PSD3: variants seen among roughly 807,000 people sequenced by gnomAD.
PSD3 encodes pleckstrin and Sec7 domain containing 3.
Under a neutral mutation model 105.5 loss-of-function variants are expected in PSD3, and 49 were observed. The ratio of observed to expected loss-of-function variants is 0.46; its 90% CI spans 0.37 to 0.59. The LOEUF (loss-of-function observed/expected upper bound fraction) is 0.59, where lower values mean the gene tolerates loss of function less well. PSD3 is among the 20% of genes least tolerant of loss of function. PSD3 has a pLI of 0.00. For missense variants in PSD3, 1,561 were observed against 1,263.8 expected, an observed-to-expected ratio of 1.24 and a Z score of -3.57; for synonymous variants, 557 against 457.8, an observed-to-expected ratio of 1.22 and a Z score of -2.77.
intron 1 of PSD3, among the ~76,000 whole-genome samples, chr8:19,032,236 A>T (rs529586705): frequency 6.8e-6 from 1 of 147,218 alleles, no homozygotes; most frequent in South Asian, 2.2e-4. Flanking sequence ...AAAGTTCAAC[A>T]GTTCATCCAC....
intron 1 of PSD3, among the ~76,000 whole-genome samples, chr8:18,950,369 T>C (rs935986924): frequency 3.3e-5 from 5 of 152,196 alleles, no homozygotes; most frequent in African/African-American, 4.8e-5. Flanking sequence ...GTAGCAACAT[T>C]TGAAATTTAC....
At chr8:18,756,479 G>C (rs1806051094) in intron 9 of PSD3, among the ~76,000 whole-genome samples, 1 of 152,016 alleles carries the variant, frequency 6.6e-6, no homozygotes, top group Non-Finnish European at 1.5e-5. Flanking sequence ...ACACTTCTTT[G>C]TCTAAACCAG....
chr8:18,913,031 TA>T (rs979111194), intron 2 of PSD3, among the ~76,000 whole-genome samples: 100 of 142,016 alleles, frequency 7.0e-4, no homozygotes, highest in African/African-American at 2.1e-3. Flanking sequence ...GTGTGATCAT[TA>T]AAAAAAAAAT....
chr8:18,646,842 A>G (rs538296587), intron 10 of PSD3, among the ~76,000 whole-genome samples: 177 of 152,320 alleles, frequency 1.2e-3, no homozygotes, highest in African/African-American at 4.0e-3. Context: ...CCAAATAATG[A>G]AAGTAAAAGA....
At chr8:18,789,268 G>C (rs1433838974) in intron 8 of PSD3, among the ~76,000 whole-genome samples, 1 of 152,066 alleles carries the variant, frequency 6.6e-6, no homozygotes, top group Non-Finnish European at 1.5e-5. Flanking sequence ...ATACAGTAGA[G>C]TTTTCTAGAA....
intron 11 of PSD3, among the ~76,000 whole-genome samples, chr8:18,614,966 G>A (rs1188851928): frequency 1.3e-5 from 2 of 152,048 alleles, no homozygotes; most frequent in Non-Finnish European, 2.9e-5. Flanking sequence ...CTGACTGAAG[G>A]AATATGCTGG....
intron 12 of PSD3, among the ~76,000 whole-genome samples, chr8:18,586,509 G>T (rs905284287): frequency 2.6e-5 from 4 of 152,120 alleles, no homozygotes; most frequent in African/African-American, 4.8e-5. Context: ...AACTAATAAT[G>T]AAATGAGACC....
At chr8:18,947,049 C>T (rs1822908480) in intron 1 of PSD3, among the ~76,000 whole-genome samples, 1 of 152,036 alleles carries the variant, frequency 6.6e-6, no homozygotes, top group Non-Finnish European at 1.5e-5. Flanking sequence ...GGATGGCTCA[C>T]GTATGCCCTA....
At chr8:18,916,341 T>C (rs867555521) in intron 2 of PSD3, among the ~76,000 whole-genome samples, 3,607 of 44,310 alleles carry the variant, frequency 0.081, 169 homozygotes, top group Non-Finnish European at 0.094. Context: ...TATATATATA[T>C]ATATATATAC....
At chr8:18,715,636 A>G (rs997368534) in intron 9 of PSD3, among the ~76,000 whole-genome samples, 3 of 152,216 alleles carry the variant, frequency 2.0e-5, no homozygotes, top group Non-Finnish European at 4.4e-5. Flanking sequence ...AGTGTTTCCC[A>G]AACACAGGCA....
At position 18,936,141 on chromosome 8, in the gene PSD3, G is replaced by A. The variant is rs1244023990; in HGVS notation, c.23C>T (p.Ala8Val). The A allele has an allele frequency of 2.5e-6, 4 of 1,604,268 alleles. No homozygotes were observed. The stretch of plus-strand genomic sequence containing the variant: ...ATTGTTCACCCAAACAAATGTCTCT[G>A]CCTGCAAAATAAGAACAAAACAAAG... MEGRSAA[A>V]ETFVWVNNAS... Residue 8 changes from alanine to valine, a missense_variant and splice_region_variant, in exon 2 of 16, where the codon GCA (alanine) becomes GTA (valine). Transcript: ENST00000327040.
rs375654455 is a variant in PSD3 at position 18,561,193 on chromosome 8, C to G, written c.2785-4841G>C. The stretch of plus-strand genomic sequence containing the variant: ...AAGAGGGAACAGCTCTTGGCTGCAG[C>G]ATTATTCACAATAGCTAAGATCTAG... On this transcript the variant is annotated intron_variant, in intron 14 of 15. Coordinates refer to ENST00000327040, the MANE Select transcript of PSD3 (RefSeq NM_015310.4). Among the ~76,000 whole-genome samples the G allele has an allele frequency of 2.0e-4, 30 of 152,272 alleles. No homozygotes were observed. In the East Asian group the frequency reaches 3.7e-3, roughly 19 times the overall value.
chr8:18,933,051 C>T (rs990611598), intron 2 of PSD3, among the ~76,000 whole-genome samples: 4 of 152,234 alleles, frequency 2.6e-5, no homozygotes, highest in African/African-American at 9.6e-5. Flanking sequence ...CACGTCTTTG[C>T]ACCTTCAATG....
chr8:19,039,608 A>G (rs2129476648), intron 1 of PSD3, among the ~76,000 whole-genome samples: 1 of 152,248 alleles, frequency 6.6e-6, no homozygotes, highest in Middle Eastern at 3.4e-3. Context: ...GGACAATATC[A>G]TGTCCCTCCC....
At chr8:18,553,637 G>C (rs988819198) in intron 15 of PSD3, among the ~76,000 whole-genome samples, 1 of 152,178 alleles carries the variant, frequency 6.6e-6, no homozygotes, top group Admixed American at 6.5e-5. Context: ...AAGACTCTCT[G>C]CAAGCACTCA....
intron 15 of PSD3, among the ~76,000 whole-genome samples, chr8:18,543,441 C>T (rs535238347): frequency 1.2e-3 from 188 of 152,084 alleles, no homozygotes; most frequent in African/African-American, 3.9e-3. Flanking sequence ...GGTGAAACCC[C>T]GTCTCTACTA....
At chr8:18,963,156 A>T (rs184497598) in intron 1 of PSD3, among the ~76,000 whole-genome samples, 24 of 152,250 alleles carry the variant, frequency 1.6e-4, no homozygotes, top group Middle Eastern at 6.8e-3. Flanking sequence ...GTCTTGTGAG[A>T]CTTATTCACT....
At chr8:18,920,668 T>C (rs1820950906) in intron 2 of PSD3, among the ~76,000 whole-genome samples, 1 of 152,188 alleles carries the variant, frequency 6.6e-6, no homozygotes, top group Non-Finnish European at 1.5e-5. Context: ...TAGAAACATA[T>C]TTTTCTCCTA....
At chr8:18,940,605 C>G (rs540290911) in intron 1 of PSD3, among the ~76,000 whole-genome samples, 1 of 152,286 alleles carries the variant, frequency 6.6e-6, no homozygotes, top group Admixed American at 6.5e-5. Context: ...TAAAGTAACT[C>G]TATCTTGGAA....
Sources: gnomAD v4.1 joint callset for allele counts (sites outside exome capture counted in the v4.1 genomes callset) on GRCh38, gnomAD v4.1.1 for gene constraint, MANE v1.5 for transcripts, NCBI Gene and HGNC (gene_info 2026-07-23, HGNC 2026-07-21) for gene names.